PABPC4L: variants seen among roughly 807,000 people sequenced by gnomAD.
PABPC4L encodes poly(A) binding protein cytoplasmic 4 like.
For missense variants in PABPC4L, 452 were observed against 451.4 expected, an observed-to-expected ratio of 1.00 and a Z score of -0.01; for synonymous variants, 169 against 164.1, an observed-to-expected ratio of 1.03 and a Z score of -0.23.
At chr4:133,985,971 G>A in the PABPC4L span, among the ~76,000 whole-genome samples, 3 of 152,046 alleles carry the variant, frequency 2.0e-5, no homozygotes, top group Admixed American at 2.0e-4. Flanking sequence ...AAGCTCTGGT[G>A]TCTGCAGAAC....
chr4:134,063,672 T>C, the PABPC4L span, among the ~76,000 whole-genome samples: 1 of 152,042 alleles, frequency 6.6e-6, no homozygotes, highest in Non-Finnish European at 1.5e-5. Context: ...GGAAACTGTA[T>C]GCTAATTTTA....
At chr4:134,007,944 C>A in the PABPC4L span, among the ~76,000 whole-genome samples, 3 of 151,662 alleles carry the variant, frequency 2.0e-5, no homozygotes, top group African/African-American at 7.2e-5. Flanking sequence ...TAGTAAATCT[C>A]AGAAACTTTG....
chr4:133,976,450 A>G, the PABPC4L span, among the ~76,000 whole-genome samples: 1 of 152,102 alleles, frequency 6.6e-6, no homozygotes, highest in African/African-American at 2.4e-5. Context: ...GAATGACCAT[A>G]TTTATATTCC....
At chr4:134,052,004 T>TA in the PABPC4L span, among the ~76,000 whole-genome samples, 1 of 151,870 alleles carries the variant, frequency 6.6e-6, no homozygotes, top group Non-Finnish European at 1.5e-5. Flanking sequence ...ACGTTTCTTT[T>TA]AAAAAAAGAA....
At chr4:134,184,730 T>C in the PABPC4L span, among the ~76,000 whole-genome samples, 6 of 152,142 alleles carry the variant, frequency 3.9e-5, no homozygotes, top group South Asian at 2.1e-4. Flanking sequence ...CTGAATAATA[T>C]GGTAGAAATA....
At position 134,200,548 on chromosome 4, in the gene PABPC4L, T is replaced by C. The variant is rs1223039061; in HGVS notation, c.472A>G (p.Asn158Asp). The C allele has an allele frequency of 1.9e-6, 3 of 1,551,530 alleles. No homozygotes were observed. The highest frequency in any genetic ancestry group is 2.6e-6 in the Non-Finnish European group (3 of 1,146,978). Residue 158 changes from asparagine (N) to aspartate (D), a missense_variant, in exon 2 of 2, where the codon AAT becomes GAT. Asn to Asp is a conservative substitution (Grantham distance 23). Coordinates refer to ENST00000421491, the MANE Select transcript of PABPC4L (RefSeq NM_001114734.2). The part of the protein sequence containing the change: ...SAADRAIEEM[N>D]GKLLKGCKVF... The stretch of plus-strand genomic sequence containing the variant: ...TTGCAGCCCTTGAGTAGTTTTCCAT[T>C]CATCTCCTCAATGGCCCTGTCTGCA...
chr4:134,075,126 A>G, the PABPC4L span, among the ~76,000 whole-genome samples: 1 of 152,212 alleles, frequency 6.6e-6, no homozygotes, highest in Non-Finnish European at 1.5e-5. Context: ...ATGACTGGAT[A>G]TTTCCAAGAT....
the PABPC4L span, among the ~76,000 whole-genome samples, chr4:134,001,708 T>C: frequency 1.3e-5 from 2 of 152,088 alleles, no homozygotes; most frequent in Admixed American, 1.3e-4. Context: ...AAACTTACAA[T>C]TAAAATACAC....
At chr4:134,070,222 C>A in the PABPC4L span, among the ~76,000 whole-genome samples, 2 of 151,956 alleles carry the variant, frequency 1.3e-5, no homozygotes, top group Non-Finnish European at 2.9e-5. Flanking sequence ...GTACCACTGA[C>A]CACAGCACTC....
At chr4:134,002,867 C>T in the PABPC4L span, among the ~76,000 whole-genome samples, 1 of 151,912 alleles carries the variant, frequency 6.6e-6, no homozygotes. Flanking sequence ...TTTCTCCTCA[C>T]ATTGTATCTT....
the PABPC4L span, among the ~76,000 whole-genome samples, chr4:133,976,951 G>C: frequency 6.6e-6 from 1 of 151,900 alleles, no homozygotes; most frequent in Non-Finnish European, 1.5e-5. Context: ...GCTTTCGTTA[G>C]AATTGCTTTT....
chr4:133,992,023 G>T, the PABPC4L span, among the ~76,000 whole-genome samples: 1 of 152,294 alleles, frequency 6.6e-6, no homozygotes, highest in Non-Finnish European at 1.5e-5. Flanking sequence ...TCCCATGCCA[G>T]GTATTAAGGG....
At chr4:134,164,966 A>G in the PABPC4L span, among the ~76,000 whole-genome samples, 2 of 152,162 alleles carry the variant, frequency 1.3e-5, no homozygotes, top group African/African-American at 4.8e-5. Context: ...AATAACTCAG[A>G]AATAAAGCCA....
the PABPC4L span, among the ~76,000 whole-genome samples, chr4:134,189,421 T>G: frequency 6.6e-6 from 1 of 151,696 alleles, no homozygotes; most frequent in East Asian, 1.9e-4. Context: ...TACACACATA[T>G]ACATGGTATA....
the PABPC4L span, among the ~76,000 whole-genome samples, chr4:134,076,251 G>A: frequency 2.0e-4 from 31 of 152,296 alleles, no homozygotes; most frequent in African/African-American, 6.7e-4. Context: ...GATGACTGGA[G>A]TTGCAACAGA....
the PABPC4L span, among the ~76,000 whole-genome samples, chr4:134,185,377 T>A: frequency 6.6e-6 from 1 of 152,056 alleles, no homozygotes; most frequent in South Asian, 2.1e-4. Context: ...GCAAGGCTGG[T>A]TCAACATAGG....
chr4:134,152,923 A>C, the PABPC4L span, among the ~76,000 whole-genome samples: 2 of 152,116 alleles, frequency 1.3e-5, no homozygotes, highest in African/African-American at 4.8e-5. Context: ...ACATAGTAAA[A>C]GAGGAAGCAA....
chr4:134,093,703 G>A, the PABPC4L span, among the ~76,000 whole-genome samples: 1 of 150,794 alleles, frequency 6.6e-6, no homozygotes, highest in African/African-American at 2.4e-5. Context: ...TCCTCATAAA[G>A]TAATTTTGAT....
the PABPC4L span, among the ~76,000 whole-genome samples, chr4:134,033,016 T>A: frequency 7.9e-6 from 1 of 126,078 alleles, no homozygotes; most frequent in African/African-American, 3.3e-5. Context: ...ATGACACAAG[T>A]ATCCTTTTTT....
Sources: gnomAD v4.1 joint callset for allele counts (sites outside exome capture counted in the v4.1 genomes callset) on GRCh38, gnomAD v4.1.1 for gene constraint, MANE v1.5 for transcripts, NCBI Gene and HGNC (gene_info 2026-07-23, HGNC 2026-07-21) for gene names.